The following TIPIN variants were observed in gnomAD, a reference collection of about 807,000 sequenced individuals.
The protein encoded by TIPIN is TIMELESS interacting protein.
In TIPIN, 29 loss-of-function variants were observed where a neutral mutation model predicts 35.6. That is an observed-to-expected ratio of 0.82 (90% CI 0.61 to 1.11). The LOEUF (loss-of-function observed/expected upper bound fraction) is 1.11. Ranked by LOEUF, TIPIN falls within the 50% of genes most tolerant of loss-of-function variation. The pLI is 0.00. For synonymous variants in TIPIN, 102 were observed against 121.5 expected, an observed-to-expected ratio of 0.84 and a Z score of 1.06; for missense variants, 296 against 345.4, an observed-to-expected ratio of 0.86 and a Z score of 1.13.
Position 66,352,153 on chromosome 15 carries a change from T to C in TIPIN, c.188A>G (p.Asn63Ser), listed in dbSNP as rs1393182763. 2.5e-6 allele frequency: 4 copies of C among 1,609,618 alleles called. No homozygotes were observed. The highest frequency in any genetic ancestry group is 3.4e-6 in the Non-Finnish European group (4 of 1,178,128). Residue 63 changes from asparagine (N) to serine (S), a missense_variant, in exon 3 of 8, where the codon AAT becomes AGT. Transcript: ENST00000261881. Reference sequence around the variant, plus strand: ...CCTCTGAGCATCCAGCTTGGGTATATTTCTTTTAACTGTTCTCTTTGGAGG... The same window carrying C: ...CCTCTGAGCATCCAGCTTGGGTATACTTCTTTTAACTGTTCTCTTTGGAGG... Reference protein sequence around the residue: ...RVPPKRTVKRNIPKLDAQRLI... With the variant: ...RVPPKRTVKRSIPKLDAQRLI...
At chr15:66,348,970 G>C in intron 6 of TIPIN, 90 bp downstream of exon 6, 1 of 1,007,530 alleles carries the variant, frequency 9.9e-7, no homozygotes, top group Non-Finnish European at 1.5e-6. Context: ...AAAGCAAAGC[G>C]CTGGGATTAC....
At chr15:66,344,271 G>A (rs1387583585) in intron 6 of TIPIN, among the ~76,000 whole-genome samples, 1 of 151,826 alleles carries the variant, frequency 6.6e-6, no homozygotes, top group African/African-American at 2.4e-5. Context: ...CTAACTCCTG[G>A]CTTCAAATGA....
intron 1 of TIPIN, among the ~76,000 whole-genome samples, chr15:66,370,160 A>G (rs923884068): frequency 1.3e-5 from 2 of 152,120 alleles, no homozygotes; most frequent in Non-Finnish European, 1.5e-5. Context: ...GTATGTCCTG[A>G]GTATATCTTC....
rs1162706252 is a variant in TIPIN at position 66,349,584 on chromosome 15, T to C, written c.289-147A>G. The C allele has an allele frequency of 3.8e-6, 4 of 1,061,720 alleles. No individual in the cohort carries two copies. The African/African-American group carries it at 4.8e-5, about 13-fold the overall frequency. 65.8% of individuals were successfully genotyped at this position (1,061,720 alleles called of 1,614,324 possible). A position where few individuals can be genotyped will look rare whatever the true frequency, so the allele number is the denominator to read the frequency against. Reference sequence around the variant, plus strand: ...GAAAAACTTATAAAAGGAACTTTAATAAGAAAAATATTGGCCAGACACAGT... The same window carrying C: ...GAAAAACTTATAAAAGGAACTTTAACAAGAAAAATATTGGCCAGACACAGT... On this transcript the variant is annotated intron_variant, in intron 4 of 7. Transcript: ENST00000261881.
intron 1 of TIPIN, among the ~76,000 whole-genome samples, chr15:66,378,432 G>T (rs970336054): frequency 6.6e-6 from 1 of 152,170 alleles, no homozygotes; most frequent in Non-Finnish European, 1.5e-5. Flanking sequence ...ACCGCGCCCA[G>T]CCGATTGCTC....
At chr15:66,372,907 A>G (rs541858101) in intron 1 of TIPIN, among the ~76,000 whole-genome samples, 24 of 145,706 alleles carry the variant, frequency 1.6e-4, no homozygotes, top group South Asian at 1.5e-3. Context: ...CGTCTTGGGG[A>G]AAAAAAAAAA....
chr15:66,338,845 A>C (rs1595781446), intron 7 of TIPIN, among the ~76,000 whole-genome samples: 1 of 145,628 alleles, frequency 6.9e-6, no homozygotes, highest in African/African-American at 2.6e-5. Flanking sequence ...AGGAAAAAGT[A>C]AATTCAGCTG....
At chr15:66,362,680 C>T (rs971818358) in intron 1 of TIPIN, among the ~76,000 whole-genome samples, 1 of 152,148 alleles carries the variant, frequency 6.6e-6, no homozygotes, top group Non-Finnish European at 1.5e-5. Flanking sequence ...AAGATCAGGT[C>T]ACTGCACTCC....
At position 66,349,365 on chromosome 15, in the gene TIPIN, C is replaced by G. The variant is rs768151887; in HGVS notation, c.361G>C (p.Glu121Gln). ...TATTCAACTCTGTCAATAAAATCCT[C>G]AAACTGCAGTTTAGGGAATAGCCTA... is the stretch of plus-strand genomic sequence containing the variant. Reference protein sequence around the residue: ...AHRLFPKLQFEDFIDRVEYLG... With the variant: ...AHRLFPKLQFQDFIDRVEYLG... The change falls in exon 5 of 8, where the codon GAG becomes CAG. Residue 121 changes from glutamate (E) to glutamine (Q), a missense_variant. Coordinates refer to ENST00000261881, the MANE Select transcript of TIPIN (RefSeq NM_017858.3). 1.1e-4 allele frequency: 181 copies of G among 1,613,930 alleles called. No homozygotes were observed. The highest frequency in any genetic ancestry group is 1.4e-4 in the Non-Finnish European group (170 of 1,179,988).
At chr15:66,366,668 G>A (rs376282228) in intron 1 of TIPIN, among the ~76,000 whole-genome samples, 8 of 150,524 alleles carry the variant, frequency 5.3e-5, no homozygotes, top group African/African-American at 1.7e-4. Context: ...TTGGGAGGCC[G>A]GGGCAGGAGA....
chr15:66,382,953 A>G, intron 1 of TIPIN: 1 of 985,434 alleles, frequency 1.0e-6, no homozygotes, highest in South Asian at 4.7e-5. Context: ...TCTGAAAAGG[A>G]AATGAGGAAA....
intron 1 of TIPIN, among the ~76,000 whole-genome samples, chr15:66,353,681 A>T (rs2093184392): frequency 6.6e-6 from 1 of 152,104 alleles, no homozygotes; most frequent in African/African-American, 2.4e-5. Context: ...AAAATAAAAA[A>T]AAATTTTTAA....
At chr15:66,346,213 G>C (rs188642576) in intron 6 of TIPIN, among the ~76,000 whole-genome samples, 1 of 150,352 alleles carries the variant, frequency 6.7e-6, no homozygotes, top group East Asian at 2.0e-4. Flanking sequence ...CTCCCAAAGT[G>C]CTAGGATTAC....
intron 3 of TIPIN, among the ~76,000 whole-genome samples, chr15:66,351,890 A>T (rs961939923): frequency 2.6e-5 from 4 of 151,842 alleles, no homozygotes; most frequent in Non-Finnish European, 4.4e-5. Flanking sequence ...CCGCCCACGT[A>T]GGCCTCCCAA....
chr15:66,366,430 G>A, intron 1 of TIPIN, among the ~76,000 whole-genome samples: 1 of 151,370 alleles, frequency 6.6e-6, no homozygotes, highest in East Asian at 1.9e-4. Context: ...CTCTAGCCTG[G>A]GCAACAGAGT....
chr15:66,384,904 C>T (rs757219393), intron 1 of TIPIN, among the ~76,000 whole-genome samples: 9 of 151,998 alleles, frequency 5.9e-5, no homozygotes, highest in East Asian at 1.9e-4. Flanking sequence ...AAGAGCAAAA[C>T]GCCACTCAAA....
intron 4 of TIPIN, among the ~76,000 whole-genome samples, chr15:66,350,395 A>T (rs994223215): frequency 6.8e-6 from 1 of 146,290 alleles, no homozygotes; most frequent in African/African-American, 2.5e-5. Context: ...GACCTGAGTC[A>T]GGAGTTCCAG....
chr15:66,338,813 C>CAAAAAAAAAAAAAAAAA (rs35966273), intron 7 of TIPIN, among the ~76,000 whole-genome samples: 2 of 35,252 alleles, frequency 5.7e-5, no homozygotes, highest in Admixed American at 3.3e-4. Flanking sequence ...GACTCCGTCT[C>CAAAAAAAAAAAAAAAAA]AAAAAAAAAA....
chr15:66,377,915 G>C (rs1168012111), intron 1 of TIPIN, among the ~76,000 whole-genome samples: 1 of 151,950 alleles, frequency 6.6e-6, no homozygotes, highest in Non-Finnish European at 1.5e-5. Context: ...TGCACGATTT[G>C]GCTCACTGCA....
Sources: allele counts gnomAD v4.1 joint callset (sites outside exome capture counted in the v4.1 genomes callset), GRCh38; gene constraint gnomAD v4.1.1; transcripts MANE v1.5; gene names NCBI Gene and HGNC (gene_info 2026-07-23, HGNC 2026-07-21).